The following SMTN variants were observed in gnomAD, a reference collection of about 807,000 sequenced individuals.
SMTN encodes the protein smoothelin.
SMTN carries 58 observed loss-of-function variants against 102.0 expected under a neutral mutation model. The observed-to-expected ratio is 0.57, with a 90% CI of 0.46 to 0.71. The LOEUF (loss-of-function observed/expected upper bound fraction) is 0.71. Ranked by LOEUF, SMTN falls within the 30% of genes least tolerant of loss-of-function variation. The pLI is 0.00. For synonymous variants in SMTN, 478 were observed against 497.9 expected, an observed-to-expected ratio of 0.96 and a Z score of 0.53; for missense variants, 1,185 against 1,241.7, an observed-to-expected ratio of 0.95 and a Z score of 0.69.
chr22:31,087,806 A>C (rs147276282), intron 2 of SMTN, 159 bp from the exon 3 acceptor site: 1 of 668,818 alleles, frequency 1.5e-6, no homozygotes. Flanking sequence ...GGCTGGGTCT[A>C]CCCCCGGGAC....
At position 31,095,593 on chromosome 22, in the gene SMTN, C is replaced by T. The variant is rs188021287; in HGVS notation, c.1845C>T (p.Leu615=). Residue 615 remains leucine (L), a synonymous_variant, in exon 13 of 21, where the codon CTC becomes CTT. Transcript: ENST00000333137. This position sits in a 1 kb window ranked among gnomAD's most constrained non-coding sequence, Gnocchi z 4.1. The part of the protein sequence containing the change: ...RKLIRAALRE[L]RQRKRDQRDK... ...TCATCCGGGCTGCACTTCGTGAGCT[C>T]CGACAAAGGAAGAGAGGTAGAGAGC... 4 of 1,613,308 alleles carry T rather than the reference C, an allele frequency of 2.5e-6. No individual in the cohort carries two copies. In the Admixed American group the frequency reaches 5.0e-5, roughly 20 times the overall value.
Position 31,091,248 on chromosome 22 carries a change from A to C in SMTN, c.1225A>C (p.Ser409Arg). Reference protein sequence around the residue: ...GVAQPLAQLRSCPQEEGPRGR... With the variant: ...GVAQPLAQLRRCPQEEGPRGR... ...AGCCCAGCCCCTGGCCCAGCTTCGA[A>C]GCTGCCCCCAGGAGGAGGGCCCCAG... The change falls in exon 10 of 21, where the codon AGC becomes CGC. Residue 409 changes from serine (S) to arginine (R), a missense_variant. This residue lies in a region of SMTN where 1,096 missense variants were observed against 1,112.7 expected (regional missense o/e 0.98). Coordinates refer to ENST00000333137, the MANE Select transcript of SMTN (RefSeq NM_134269.3). 1 of 1,604,526 alleles carries C rather than the reference A, an allele frequency of 6.2e-7. No individual in the cohort carries two copies. The highest frequency in any genetic ancestry group is 1.1e-5 in the South Asian group (1 of 90,278).
chr22:31,072,668 G>T (rs940111974), intron 1 of SMTN, among the ~76,000 whole-genome samples: 1 of 151,978 alleles, frequency 6.6e-6, no homozygotes, highest in African/African-American at 2.4e-5. Context: ...CACCATCTTG[G>T]CCAGGCTAGT....
At chr22:31,065,840 G>T (rs1485801364) in intron 1 of SMTN, 1 of 151,894 alleles carries the variant, frequency 6.6e-6, no homozygotes, top group Non-Finnish European at 1.5e-5. Flanking sequence ...TCTATAAAAT[G>T]GATATCATTA....
intron 1 of SMTN, among the ~76,000 whole-genome samples, chr22:31,074,270 T>A (rs1297771920): frequency 6.6e-6 from 1 of 152,032 alleles, no homozygotes; most frequent in Non-Finnish European, 1.5e-5. Context: ...TCCCAGCTAC[T>A]CGGGAGGCTG....
rs1485550929 is a variant in SMTN, at chr22:31,091,222, T to C, written c.1199T>C (p.Val400Ala). 6.2e-7 allele frequency: 1 copy of C among 1,610,710 alleles called. No homozygotes were observed. The highest frequency in any genetic ancestry group is 8.5e-7 in the Non-Finnish European group (1 of 1,178,872). ...SSRFSKEQRG[V>A]AQPLAQLRSC... ...CGGTTCAGCAAGGAGCAACGAGGAG[T>C]AGCCCAGCCCCTGGCCCAGCTTCGA... The change falls in exon 10 of 21, where the codon GTA becomes GCA. Residue 400 changes from valine (V) to alanine (A), a missense_variant. Transcript: ENST00000333137.
rs116369835 is a variant in SMTN at position 31,091,429 on chromosome 22, G to A, written c.1406G>A (p.Arg469His). The change falls in exon 10 of 21, where the codon CGT becomes CAT. Residue 469 changes from arginine (R) to histidine (H), a missense_variant. By Grantham distance (29) the Arg-to-His change is conservative. Around this residue, in one of 2 missense-constraint regions of SMTN, gnomAD observed 1,096 missense variants for 1,112.7 expected, o/e 0.98. Transcript: ENST00000333137. ...TTCACCATCGAGATCAAGGACGGCC[G>A]TGGCCAGGCCTCCACAGGCCGGGTG... The part of the protein sequence containing the change: ...TTFTIEIKDG[R>H]GQASTGRVLL... The A allele has an allele frequency of 1.7e-4, 259 of 1,552,188 alleles. No individual in the cohort carries two copies. The highest frequency in any genetic ancestry group is 1.6e-3 in the East Asian group (70 of 44,426).
rs1673452516 is a variant in SMTN, at chr22:31,088,619, C to T, written c.294+13C>T. 2 of 1,613,282 alleles carry T rather than the reference C, an allele frequency of 1.2e-6. No individual in the cohort carries two copies. The highest frequency in any genetic ancestry group is 1.7e-6 in the Non-Finnish European group (2 of 1,179,390). ...ATTGACTGCACTGGTGAGGCCCAGG[C>T]TGGGGCAGGGGATGGGGGCAGGGCA... On this transcript the variant is annotated intron_variant, in intron 4 of 20. Transcript: ENST00000333137.
intron 1 of SMTN, chr22:31,082,869 C>G: frequency 6.5e-7 from 1 of 1,537,306 alleles, no homozygotes; most frequent in Non-Finnish European, 8.8e-7. Context: ...CTTGCCAGGC[C>G]CTGGCTTCTC....
upstream of SMTN, chr22:31,081,204 T>C (rs2042283955): frequency 6.6e-6 from 1 of 151,486 alleles, no homozygotes; most frequent in South Asian, 2.1e-4. Flanking sequence ...GCCGTCAAAT[T>C]GAATTTTCCC....
At position 31,090,193 on chromosome 22, in the gene SMTN, G is replaced by T. The variant is rs765390516; in HGVS notation, c.865+13G>T. The stretch of plus-strand genomic sequence containing the variant: ...ACCAAGAGAGCAGGTGAGGGTCCCA[G>T]CAGGGGTAGTCACAGGCATCTTTCT... On this transcript the variant is annotated intron_variant, in intron 8 of 20. Transcript: ENST00000333137. 7 of 1,601,072 alleles carry T rather than the reference G, an allele frequency of 4.4e-6. No homozygotes were observed. The highest frequency in any genetic ancestry group is 6.0e-6 in the Non-Finnish European group (7 of 1,174,242).
At chr22:31,074,234 T>C (rs1175571860) in intron 1 of SMTN, among the ~76,000 whole-genome samples, 10 of 151,198 alleles carry the variant, frequency 6.6e-5, no homozygotes, top group Non-Finnish European at 1.3e-4. Context: ...TAAAAATTAG[T>C]CAGGTGTGGT....
At chr22:31,084,606 A>G (rs956829604) in intron 2 of SMTN, among the ~76,000 whole-genome samples, 9 of 152,208 alleles carry the variant, frequency 5.9e-5, no homozygotes, top group Non-Finnish European at 1.2e-4. Flanking sequence ...ACAGTCCAAA[A>G]AGAGGGAATG....
chr22:31,104,456 A>G lies in SMTN; in HGVS notation c.*161A>G. ...CGCCACGAACTGCGCCTGCGCGGCAAGAATGTCTAGCCTGCCCGCCCGCAT... is the reference window on the plus strand; with the variant it reads ...CGCCACGAACTGCGCCTGCGCGGCAGGAATGTCTAGCCTGCCCGCCCGCAT... On this transcript the variant is annotated 3_prime_UTR_variant, in exon 21 of 21. Transcript: ENST00000333137. 1 of 1,613,540 alleles carries G rather than the reference A, an allele frequency of 6.2e-7. No homozygotes were observed. The highest frequency in any genetic ancestry group is 1.7e-5 in the Admixed American group (1 of 60,026).
intron 1 of SMTN, chr22:31,064,218 C>T (rs1336826588): frequency 6.6e-6 from 1 of 152,120 alleles, no homozygotes; most frequent in Non-Finnish European, 1.5e-5. Context: ...CATAGATGTC[C>T]ACTATGGAGA....
chr22:31,083,074 A>G, intron 1 of SMTN, 105 bp from the exon 2 acceptor site: 2 of 1,478,098 alleles, frequency 1.4e-6, no homozygotes, highest in South Asian at 1.2e-5. Flanking sequence ...AGGATGGGAC[A>G]GTAATGGACG....
At position 31,091,156 on chromosome 22, in the gene SMTN, C is replaced by A; in HGVS notation, c.1133C>A (p.Ser378Tyr). 1 of 1,613,852 alleles carries A rather than the reference C, an allele frequency of 6.2e-7. No homozygotes were observed. Among genetic ancestry groups the A allele is most frequent in the Non-Finnish European group, 8.5e-7 (1 of 1,179,882 alleles). Residue 378 changes from serine to tyrosine, a missense_variant, in exon 10 of 21, where the codon TCC (serine) becomes TAC (tyrosine). Coordinates refer to ENST00000333137, the MANE Select transcript of SMTN (RefSeq NM_134269.3). ...SLTSTTPASS[S>Y]SGSSSRGPSD... Reference sequence around the variant, plus strand: ...ACCAGCACCACCCCTGCCTCCTCCTCCAGCGGCTCCTCCTCTCGGGGCCCC... The same window carrying A: ...ACCAGCACCACCCCTGCCTCCTCCTACAGCGGCTCCTCCTCTCGGGGCCCC...
At chr22:31,097,178 C>T (rs41282559) in intron 15 of SMTN, 91 bp from the exon 16 acceptor site, 57,870 of 1,476,722 alleles carry the variant, frequency 0.039, 1,273 homozygotes, top group Non-Finnish European at 0.04. Flanking sequence ...TCTCTGCCTG[C>T]GGCTATCACC....
At chr22:31,099,014 G>T in intron 17 of SMTN, 48 bp from the exon 18 acceptor site, 1 of 1,573,452 alleles carries the variant, frequency 6.4e-7, no homozygotes. Context: ...GCCCACCGAG[G>T]CATGCCCCTT....
Sources: gnomAD v4.1 joint callset for allele counts (sites outside exome capture counted in the v4.1 genomes callset) on GRCh38, gnomAD v4.1.1 for gene constraint, gnomAD v4.1.1 regional missense constraint, Gnocchi (gnomAD v3.1) non-coding constraint, MANE v1.5 for transcripts, NCBI Gene and HGNC (gene_info 2026-07-23, HGNC 2026-07-21) for gene names.